Variants in DPH6 observed in about 807,000 individuals in gnomAD.
The protein encoded by DPH6 is diphthine--ammonia ligase.
DPH6 carries 33 observed loss-of-function variants against 38.2 expected under a neutral mutation model. The ratio of observed to expected loss-of-function variants is 0.86; its 90% CI spans 0.65 to 1.15. The LOEUF (loss-of-function observed/expected upper bound fraction) is 1.15, where lower values mean the gene tolerates loss of function less well. Ranked by LOEUF, DPH6 falls within the 50% of genes most tolerant of loss-of-function variation. The pLI, the probability that DPH6 is intolerant of heterozygous loss-of-function variation, is 0.00. For missense variants in DPH6, 325 were observed against 320.0 expected (o/e 1.02, Z -0.12); for synonymous variants, 108 against 103.0 (o/e 1.05, Z -0.30).
chr15:35,146,837 C>G, the DPH6 span, among the ~76,000 whole-genome samples: 3,178 of 152,186 alleles, frequency 0.021, 70 homozygotes, highest in Non-Finnish European at 0.034. Flanking sequence ...ATGACCTTAT[C>G]ACCCAACATG....
chr15:35,181,239 T>A, the DPH6 span, among the ~76,000 whole-genome samples: 1 of 152,060 alleles, frequency 6.6e-6, no homozygotes, highest in African/African-American at 2.4e-5. Context: ...ATTTGGGCAT[T>A]GTCACATTAC....
At chr15:35,520,532 GTACTTTCAGTACATATA>G (rs2141235564) in intron 3 of DPH6, 12 of 984,128 alleles carry the variant, frequency 1.2e-5, no homozygotes, top group Non-Finnish European at 1.4e-5. Context: ...AGTGTCAAAG[GTACTTTCAGTACATATA>G]TACAATAAGA....
chr15:35,147,055 T>C, the DPH6 span, among the ~76,000 whole-genome samples: 704 of 152,328 alleles, frequency 4.6e-3, 7 homozygotes, highest in African/African-American at 0.016. Flanking sequence ...AAGTGCCAAA[T>C]AGAGCTCATT....
intron 5 of DPH6, among the ~76,000 whole-genome samples, chr15:35,430,886 A>G (rs1052321247): frequency 6.6e-5 from 10 of 152,302 alleles, no homozygotes; most frequent in Admixed American, 5.9e-4. Context: ...ATGTGAAATT[A>G]CAAGTACAGT....
At chr15:35,254,446 ATACTG>A (rs1199719838) in intron 3 of DPH6, among the ~76,000 whole-genome samples, 1 of 152,176 alleles carries the variant, frequency 6.6e-6, no homozygotes, top group Non-Finnish European at 1.5e-5. Flanking sequence ...AAACAATACA[ATACTG>A]TACATACTCT....
At chr15:35,207,778 T>C in the DPH6 span, among the ~76,000 whole-genome samples, 1 of 152,204 alleles carries the variant, frequency 6.6e-6, no homozygotes, top group Admixed American at 6.5e-5. Context: ...TGTATTTTCT[T>C]AAAATAATGA....
chr15:35,426,079 T>C (rs2053567172), intron 5 of DPH6, among the ~76,000 whole-genome samples: 3 of 151,480 alleles, frequency 2.0e-5, no homozygotes, highest in African/African-American at 7.2e-5. Flanking sequence ...GGAAAGACTG[T>C]ATCACACATA....
chr15:35,325,781 G>C (rs773141694), intron 3 of DPH6, among the ~76,000 whole-genome samples: 2 of 152,000 alleles, frequency 1.3e-5, no homozygotes, highest in Non-Finnish European at 2.9e-5. Context: ...CACTAAAACA[G>C]TGAAAAGTCA....
At position 35,353,090 on chromosome 15, in the gene DPH6, T is replaced by C. The variant is rs1250192174; in HGVS notation, n.207+20431A>G. On this transcript the variant is annotated intron_variant and non_coding_transcript_variant, in intron 3 of 3. Transcript: ENST00000558973. ...CATAAATGTCTTCTTTTGAGAAGTG[T>C]CTGTTCATGTCCTTCGCCCACTTTT... is the stretch of plus-strand genomic sequence containing the variant. Among the ~76,000 whole-genome samples the C allele has an allele frequency of 3.9e-5, 6 of 152,350 alleles. No homozygotes were observed. The East Asian group carries it at 1.2e-3, about 29-fold the overall frequency.
intron 3 of DPH6, chr15:35,520,902 C>A: frequency 1.0e-6 from 1 of 985,176 alleles, no homozygotes; most frequent in Non-Finnish European, 1.2e-6. Flanking sequence ...GTATACAACT[C>A]ATTTTGTCAC....
the DPH6 span, among the ~76,000 whole-genome samples, chr15:35,170,996 G>A: frequency 6.6e-6 from 1 of 152,190 alleles, no homozygotes; most frequent in Non-Finnish European, 1.5e-5. Context: ...CAATGGTGGA[G>A]CTTGGTGAAT....
intron 6 of DPH6, among the ~76,000 whole-genome samples, chr15:35,407,364 T>C (rs1459733405): frequency 6.6e-6 from 1 of 151,968 alleles, no homozygotes; most frequent in African/African-American, 2.4e-5. Flanking sequence ...TCATCATGTA[T>C]ACTTAGTGTT....
intron 3 of DPH6, among the ~76,000 whole-genome samples, chr15:35,323,340 A>G (rs897324665): frequency 9.2e-5 from 14 of 152,164 alleles, no homozygotes; most frequent in Admixed American, 1.3e-4. Flanking sequence ...TTTTGTTTCA[A>G]TGAACATATT....
intron 3 of DPH6, among the ~76,000 whole-genome samples, chr15:35,281,255 C>A (rs1276206908): frequency 6.6e-6 from 1 of 152,050 alleles, no homozygotes; most frequent in Admixed American, 6.6e-5. Flanking sequence ...TTTTAGGAGA[C>A]CTCAAAGGCA....
chr15:35,244,803 G>A (rs1305901739), intron 3 of DPH6, among the ~76,000 whole-genome samples: 1 of 152,180 alleles, frequency 6.6e-6, no homozygotes, highest in Non-Finnish European at 1.5e-5. Context: ...CTGAACTGGG[G>A]ATAAGGAGAC....
chr15:35,538,166 A>G (rs1343791702), intron 3 of DPH6, 108 bp downstream of exon 3: 1 of 962,324 alleles, frequency 1.0e-6, no homozygotes, highest in East Asian at 2.7e-5. Context: ...TTTAAAGAAT[A>G]GTTGGGCTAC....
intron 3 of DPH6, among the ~76,000 whole-genome samples, chr15:35,514,084 C>A (rs2054813107): frequency 6.6e-6 from 1 of 151,964 alleles, no homozygotes; most frequent in Admixed American, 6.6e-5. Flanking sequence ...CAGCTAATAG[C>A]TGTGATTTGC....
At chr15:35,523,991 GTTT>G (rs903926318) in intron 3 of DPH6, among the ~76,000 whole-genome samples, 2 of 147,972 alleles carry the variant, frequency 1.4e-5, no homozygotes, top group African/African-American at 4.9e-5. Context: ...ACAGATCGTG[GTTT>G]TTTTTTTCTT....
chr15:35,415,218 C>T (rs1201144499), intron 5 of DPH6, among the ~76,000 whole-genome samples: 1 of 151,958 alleles, frequency 6.6e-6, no homozygotes, highest in Non-Finnish European at 1.5e-5. Flanking sequence ...GTCAGCATGG[C>T]TGGAAGTCAC....
Sources: gnomAD v4.1 joint callset for allele counts (sites outside exome capture counted in the v4.1 genomes callset) on GRCh38, gnomAD v4.1.1 for gene constraint, MANE v1.5 for transcripts, NCBI Gene and HGNC (gene_info 2026-07-23, HGNC 2026-07-21) for gene names.